Variants in NCKAP5 observed in about 807,000 individuals in gnomAD.
NCKAP5 encodes nck-associated protein 5.
NCKAP5 carries 92 observed loss-of-function variants against 167.0 expected under a neutral mutation model. That is an observed-to-expected ratio of 0.55 (90% CI 0.47 to 0.66). The LOEUF (loss-of-function observed/expected upper bound fraction) is 0.66. NCKAP5 is among the 30% of genes least tolerant of loss of function. The pLI is 0.00. For synonymous variants in NCKAP5, 891 were observed against 877.4 expected (o/e 1.02, Z -0.27); for missense variants, 2,378 against 2,315.0 (o/e 1.03, Z -0.56).
chr2:133,109,372 G>T (rs916709802), intron 6 of NCKAP5, among the ~76,000 whole-genome samples: 12 of 152,184 alleles, frequency 7.9e-5, no homozygotes, highest in Non-Finnish European at 1.8e-4. Context: ...ATAAATCAAG[G>T]AATCAGCAAC....
At chr2:132,925,419 G>A (rs554451369) in intron 8 of NCKAP5, among the ~76,000 whole-genome samples, 27 of 151,772 alleles carry the variant, frequency 1.8e-4, no homozygotes, top group East Asian at 1.6e-3. Flanking sequence ...AAAATTAGCC[G>A]GGCATGGTGG....
intron 6 of NCKAP5, among the ~76,000 whole-genome samples, chr2:133,000,300 G>C (rs938917504): frequency 1.3e-5 from 2 of 152,178 alleles, no homozygotes; most frequent in Admixed American, 6.6e-5. Flanking sequence ...GGAAGAAAGA[G>C]GCTGCAGTTA....
intron 7 of NCKAP5, among the ~76,000 whole-genome samples, chr2:132,984,589 TCAATAAGGA>T (rs1229159487): frequency 6.6e-6 from 1 of 152,070 alleles, no homozygotes; most frequent in Non-Finnish European, 1.5e-5. Context: ...GCAGACAAAA[TCAATAAGGA>T]CAATATAGCT....
At chr2:133,221,076 G>A (rs1044285112) in intron 4 of NCKAP5, among the ~76,000 whole-genome samples, 27 of 152,106 alleles carry the variant, frequency 1.8e-4, no homozygotes, top group African/African-American at 6.5e-4. Context: ...CTCACGTCAA[G>A]CAAACTGTTA....
intron 3 of NCKAP5, among the ~76,000 whole-genome samples, chr2:133,360,538 G>A (rs1231586535): frequency 1.3e-5 from 2 of 152,076 alleles, no homozygotes; most frequent in South Asian, 2.1e-4. Context: ...CAGTGTTTGC[G>A]TGACAAAGGA....
At chr2:133,466,958 G>C (rs1461609242) in intron 3 of NCKAP5, among the ~76,000 whole-genome samples, 2 of 152,140 alleles carry the variant, frequency 1.3e-5, no homozygotes, top group East Asian at 3.9e-4. Context: ...TCTGCAAACA[G>C]GGACAATTTG....
intron 11 of NCKAP5, among the ~76,000 whole-genome samples, chr2:132,800,311 A>C (rs1341657920): frequency 6.6e-6 from 1 of 152,148 alleles, no homozygotes; most frequent in Non-Finnish European, 1.5e-5. Flanking sequence ...AAATACTTTA[A>C]ACTTCCTGTC....
chr2:133,564,902 G>A (rs936932656), intron 1 of NCKAP5, among the ~76,000 whole-genome samples: 6 of 152,200 alleles, frequency 3.9e-5, no homozygotes, highest in African/African-American at 1.4e-4. Context: ...CCTAAGGGCA[G>A]TGTCATGCAT....
chr2:133,162,493 A>G (rs964556262), intron 5 of NCKAP5, among the ~76,000 whole-genome samples: 3 of 152,202 alleles, frequency 2.0e-5, no homozygotes, highest in Admixed American at 6.5e-5. Context: ...GAAGTTGAAC[A>G]TTTATTCATC....
intron 3 of NCKAP5, among the ~76,000 whole-genome samples, chr2:133,364,804 G>T (rs1007579501): frequency 6.6e-6 from 1 of 151,776 alleles, no homozygotes; most frequent in Non-Finnish European, 1.5e-5. Context: ...ACCCAGGCTG[G>T]AGTGCTGTAG....
intron 5 of NCKAP5, among the ~76,000 whole-genome samples, chr2:133,189,953 G>T (rs1284448848): frequency 6.6e-6 from 1 of 152,064 alleles, no homozygotes; most frequent in South Asian, 2.1e-4. Flanking sequence ...GAAATAAAGG[G>T]TATTCAATTA....
At chr2:132,871,215 C>T (rs57178398) in intron 9 of NCKAP5, among the ~76,000 whole-genome samples, 8,104 of 152,184 alleles carry the variant, frequency 0.053, 234 homozygotes, top group East Asian at 0.1. Flanking sequence ...TGACCAATAG[C>T]ATAATAGTGA....
intron 3 of NCKAP5, among the ~76,000 whole-genome samples, chr2:133,317,238 C>A (rs1252889629): frequency 1.3e-5 from 2 of 152,062 alleles, no homozygotes; most frequent in East Asian, 3.9e-4. Flanking sequence ...AAAACCAGAA[C>A]CCAAAACACA....
intron 11 of NCKAP5, among the ~76,000 whole-genome samples, chr2:132,805,175 C>T (rs1265225738): frequency 6.6e-6 from 1 of 152,024 alleles, no homozygotes; most frequent in Non-Finnish European, 1.5e-5. Flanking sequence ...GTGTGTGTTT[C>T]ACATATGTTA....
At chr2:133,401,775 C>A (rs1688117637) in intron 3 of NCKAP5, among the ~76,000 whole-genome samples, 1 of 152,186 alleles carries the variant, frequency 6.6e-6, no homozygotes, top group Non-Finnish European at 1.5e-5. Flanking sequence ...CCAACCTGGG[C>A]TCTCATAATA....
chr2:133,117,297 A>G (rs943385895), intron 6 of NCKAP5: 1 of 152,202 alleles, frequency 6.6e-6, no homozygotes, highest in African/African-American at 2.4e-5. Flanking sequence ...TTCGAATCTC[A>G]CGTATTTCAT....
At chr2:133,663,333 G>A in the NCKAP5 span, among the ~76,000 whole-genome samples, 1 of 151,962 alleles carries the variant, frequency 6.6e-6, no homozygotes, top group African/African-American at 2.4e-5. Flanking sequence ...TCTTTTTGCT[G>A]GTGGAGCATC....
chr2:133,052,697 G>A, intron 6 of NCKAP5, among the ~76,000 whole-genome samples: 1 of 147,532 alleles, frequency 6.8e-6, no homozygotes, highest in Non-Finnish European at 1.5e-5. Flanking sequence ...CAGCCTGGGC[G>A]ACAAAAGAGA....
chr2:132,755,702 G>A (rs904380342), intron 16 of NCKAP5, among the ~76,000 whole-genome samples: 6 of 151,706 alleles, frequency 4.0e-5, no homozygotes, highest in Non-Finnish European at 4.4e-5. Context: ...GGTGGCGCGC[G>A]CCTGTAATCC....
Sources: gnomAD v4.1 joint callset for allele counts (sites outside exome capture counted in the v4.1 genomes callset) on GRCh38, gnomAD v4.1.1 for gene constraint, MANE v1.5 for transcripts, NCBI Gene and HGNC (gene_info 2026-07-23, HGNC 2026-07-21) for gene names.